Variants in NCALD observed in about 807,000 individuals in gnomAD.
NCALD encodes the protein neurocalcin delta.
Under a neutral mutation model 18.6 loss-of-function variants are expected in NCALD, and 10 were observed. The ratio of observed to expected loss-of-function variants is 0.54; its 90% CI spans 0.33 to 0.91. NCALD has a LOEUF of 0.91. NCALD is among the 40% of genes least tolerant of loss of function. The pLI is 0.03. For synonymous variants in NCALD, 88 were observed against 87.4 expected (o/e 1.01, Z -0.04); for missense variants, 184 against 247.6 (o/e 0.74, Z 1.72).
At chr8:101,867,625 AT>A (rs1815826517) in intron 4 of NCALD, among the ~76,000 whole-genome samples, 1 of 152,114 alleles carries the variant, frequency 6.6e-6, no homozygotes, top group South Asian at 2.1e-4. Flanking sequence ...TGTAGGCTTT[AT>A]TTTTTATCCG....
At chr8:102,102,071 C>G (rs503374) in intron 1 of NCALD, among the ~76,000 whole-genome samples, 37,974 of 152,100 alleles carry the variant, frequency 0.25, 5,791 homozygotes, top group East Asian at 0.56. Context: ...TAGTGTTTTT[C>G]TTATTATTGC....
chr8:101,716,267 A>G (rs1816075502), intron 2 of NCALD, among the ~76,000 whole-genome samples: 1 of 152,122 alleles, frequency 6.6e-6, no homozygotes, highest in Non-Finnish European at 1.5e-5. Context: ...GGAGTTGAAC[A>G]ATGAGAATAT....
chr8:102,113,745 C>T (rs537769356), intron 1 of NCALD, among the ~76,000 whole-genome samples: 7 of 152,196 alleles, frequency 4.6e-5, no homozygotes, highest in South Asian at 2.1e-4. Flanking sequence ...ATTATGTAGT[C>T]GTCTTATATT....
At chr8:101,765,935 T>C (rs1324203631) in intron 1 of NCALD, among the ~76,000 whole-genome samples, 1 of 152,210 alleles carries the variant, frequency 6.6e-6, no homozygotes, top group Non-Finnish European at 1.5e-5. Flanking sequence ...GGGCACATAT[T>C]ACTAGTCAGA....
intron 2 of NCALD, among the ~76,000 whole-genome samples, chr8:102,002,130 C>T (rs1426042374): frequency 3.3e-5 from 5 of 152,074 alleles, no homozygotes; most frequent in Admixed American, 1.3e-4. Flanking sequence ...TTCAGGAAAC[C>T]CATCTCACAT....
intron 1 of NCALD, among the ~76,000 whole-genome samples, chr8:102,107,219 TATATATATATATATATATATAC>T (rs1358607036): frequency 3.1e-5 from 4 of 127,332 alleles, no homozygotes; most frequent in Non-Finnish European, 4.8e-5. Flanking sequence ...TATATATATA[TATATATATATATATATATATAC>T]ACATAGAAAT....
chr8:101,890,956 G>A (rs939449849), intron 3 of NCALD, among the ~76,000 whole-genome samples: 1 of 152,168 alleles, frequency 6.6e-6, no homozygotes, highest in Admixed American at 6.5e-5. Context: ...TGGAATATTA[G>A]ATAACATGGA....
At chr8:101,764,555 G>A (rs113965644) in intron 1 of NCALD, among the ~76,000 whole-genome samples, 1 of 152,196 alleles carries the variant, frequency 6.6e-6, no homozygotes, top group Non-Finnish European at 1.5e-5. Flanking sequence ...GAGGTAATGA[G>A]TACAGCCCCC....
intron 1 of NCALD, among the ~76,000 whole-genome samples, chr8:101,751,507 T>A (rs770938473): frequency 2.6e-5 from 4 of 152,086 alleles, no homozygotes; most frequent in Non-Finnish European, 4.4e-5. Flanking sequence ...TGGTAAATTT[T>A]TTGTTATGTT....
chr8:101,747,993 C>A (rs1268919682), intron 1 of NCALD, among the ~76,000 whole-genome samples: 2 of 152,140 alleles, frequency 1.3e-5, no homozygotes, highest in Non-Finnish European at 2.9e-5. Context: ...GCTGGGATTA[C>A]AGGCATGAAC....
intron 4 of NCALD, among the ~76,000 whole-genome samples, chr8:101,830,150 G>T (rs1302279397): frequency 6.6e-6 from 1 of 152,198 alleles, no homozygotes; most frequent in Non-Finnish European, 1.5e-5. Flanking sequence ...GAGGTTAAAT[G>T]AATTGCTGAT....
intron 2 of NCALD, among the ~76,000 whole-genome samples, chr8:101,924,164 A>C (rs1230910878): frequency 6.6e-6 from 1 of 152,178 alleles, no homozygotes; most frequent in Non-Finnish European, 1.5e-5. Flanking sequence ...TGAAACTCTG[A>C]GAACATTTAG....
intron 2 of NCALD, among the ~76,000 whole-genome samples, chr8:102,012,625 T>C (rs1163798084): frequency 1.3e-5 from 2 of 152,202 alleles, no homozygotes; most frequent in Non-Finnish European, 2.9e-5. Flanking sequence ...TGTTTGTTTC[T>C]TGAGAAGCAA....
At chr8:102,104,261 T>A (rs1418723572) in intron 1 of NCALD, among the ~76,000 whole-genome samples, 2 of 152,172 alleles carry the variant, frequency 1.3e-5, no homozygotes, top group Admixed American at 6.5e-5. Flanking sequence ...TAAACTGGGT[T>A]TTAAATCCTA....
intron 1 of NCALD, among the ~76,000 whole-genome samples, chr8:101,757,094 G>C (rs138810210): frequency 2.2e-4 from 33 of 151,884 alleles, no homozygotes; most frequent in African/African-American, 7.7e-4. Context: ...TCTTCCTCTT[G>C]CTTCCTCCTG....
intron 4 of NCALD, among the ~76,000 whole-genome samples, chr8:101,871,138 T>C (rs574088183): frequency 6.6e-6 from 1 of 152,264 alleles, no homozygotes; most frequent in African/African-American, 2.4e-5. Flanking sequence ...GATACAGTAA[T>C]TGATAGTATT....
chr8:101,939,628 T>C (rs1818884673), intron 2 of NCALD, among the ~76,000 whole-genome samples: 1 of 152,222 alleles, frequency 6.6e-6, no homozygotes, highest in African/African-American at 2.4e-5. Flanking sequence ...ATAAATAAAC[T>C]TCAGCTCAAC....
chr8:101,988,552 A>G (rs1249237430), intron 2 of NCALD, among the ~76,000 whole-genome samples: 1 of 152,232 alleles, frequency 6.6e-6, no homozygotes, highest in African/African-American at 2.4e-5. Context: ...ACTCAGTGAC[A>G]ATACACGTCA....
chr8:101,795,693 T>C (rs557773685), upstream of NCALD, among the ~76,000 whole-genome samples: 1 of 152,338 alleles, frequency 6.6e-6, no homozygotes, highest in Non-Finnish European at 1.5e-5. Flanking sequence ...CACTGAGGTA[T>C]AGACTCTGCA....
Sources: allele counts gnomAD v4.1 joint callset (sites outside exome capture counted in the v4.1 genomes callset), GRCh38; gene constraint gnomAD v4.1.1; transcripts MANE v1.5; gene names NCBI Gene and HGNC (gene_info 2026-07-23, HGNC 2026-07-21).